The following SMG5 variants were observed in gnomAD, a reference collection of about 807,000 sequenced individuals.
SMG5 encodes nonsense-mediated mRNA decay factor SMG5.
In SMG5, 53 loss-of-function variants were observed where a neutral mutation model predicts 122.9. The ratio of observed to expected loss-of-function variants is 0.43; its 90% CI spans 0.35 to 0.54. SMG5 has a LOEUF of 0.54. Ranked by LOEUF, SMG5 falls within the 20% of genes least tolerant of loss-of-function variation. SMG5 has a pLI of 0.01. For synonymous variants in SMG5, 477 were observed against 490.2 expected (o/e 0.97, Z 0.35); for missense variants, 1,153 against 1,285.6 (o/e 0.90, Z 1.58).
intron 15 of SMG5, among the ~76,000 whole-genome samples, chr1:156,260,101 T>C (rs963517978): frequency 2.0e-5 from 3 of 152,158 alleles, no homozygotes; most frequent in African/African-American, 7.2e-5. Flanking sequence ...GATTGTTTGA[T>C]GTTCAGCTCG....
chr1:156,279,059 C>A (rs1662816095), intron 1 of SMG5, 25 bp from the exon 2 acceptor site: 1 of 1,594,270 alleles, frequency 6.3e-7, no homozygotes, highest in Non-Finnish European at 8.6e-7. Context: ...AGGCAAATAT[C>A]CCCTCAGCCA....
intron 18 of SMG5, 46 bp from the exon 19 acceptor site, chr1:156,252,550 CTG>C (rs1221040153): frequency 6.3e-7 from 1 of 1,586,432 alleles, no homozygotes. Flanking sequence ...GCTCAGACTG[CTG>C]TGACAAGGGG....
At chr1:156,263,720 G>T in intron 12 of SMG5, 150 bp from the exon 13 acceptor site, 1 of 762,312 alleles carries the variant, frequency 1.3e-6, no homozygotes, top group South Asian at 2.4e-5. Context: ...ACCACTTACA[G>T]GCCCTTATTC....
chr1:156,257,761 C>T (rs954082600), intron 16 of SMG5, among the ~76,000 whole-genome samples: 3 of 152,106 alleles, frequency 2.0e-5, no homozygotes, highest in Admixed American at 6.6e-5. Flanking sequence ...CAAGAAATGG[C>T]ACTCAGACAG....
intron 7 of SMG5, 126 bp downstream of exon 7, chr1:156,272,194 C>T: frequency 1.2e-6 from 1 of 834,852 alleles, no homozygotes; most frequent in South Asian, 1.6e-5. Flanking sequence ...AATGGAGAGA[C>T]CCTTCAATCT....
Position 156,260,621 on chromosome 1 carries a change from C to CCG in SMG5, c.2112_2113insCG (p.Ala705ArgfsTer56). On this transcript the variant is annotated frameshift_variant, in exon 15 of 22. Coordinates refer to ENST00000361813, the MANE Select transcript of SMG5 (RefSeq NM_015327.3). LOFTEE classifies it high-confidence loss of function. ...AGATCTTGGACCTCAGGACACAAGG[C>CCG]CAGGCCTGGGCAGAAGAAGGACACA... The CCG allele has an allele frequency of 6.7e-7, 1 of 1,503,610 alleles. No individual in the cohort carries two copies. The highest frequency in any genetic ancestry group is 8.8e-7 in the Non-Finnish European group (1 of 1,130,340). 93.1% of individuals were successfully genotyped at this position (1,503,610 alleles called of 1,614,324 possible). A position where few individuals can be genotyped will look rare whatever the true frequency, so the allele number is the denominator to read the frequency against.
the SMG5 span, among the ~76,000 whole-genome samples, chr1:156,288,501 A>AT: frequency 3.3e-5 from 5 of 151,174 alleles, no homozygotes; most frequent in Admixed American, 2.6e-4. Flanking sequence ...TGCCCAGCTA[A>AT]TTTTTTTTGT....
chr1:156,249,783 CCAGCA>C lies in SMG5; in HGVS notation c.*799_*803del. Reference sequence around the variant, plus strand: ...TCTCTTCCTGGCATCCCATTCTGTCCCAGCACAGCAGCCAAGAGCACAAAGCACAG... The same window carrying C: ...TCTCTTCCTGGCATCCCATTCTGTCCCAGCAGCCAAGAGCACAAAGCACAG... On this transcript the variant is annotated 3_prime_UTR_variant, in exon 22 of 22. Coordinates refer to ENST00000361813, the MANE Select transcript of SMG5 (RefSeq NM_015327.3). 2.1e-6 allele frequency: 1 copy of C among 471,184 alleles called. No individual in the cohort carries two copies. Among genetic ancestry groups the C allele is most frequent in the South Asian group, 1.5e-5 (1 of 64,576 alleles). The allele number at this position is 471,184 out of a possible 1,614,324, so 29.2% of individuals were successfully genotyped here. A position where few individuals can be genotyped will look rare whatever the true frequency, so the allele number is the denominator to read the frequency against.
intron 7 of SMG5, among the ~76,000 whole-genome samples, chr1:156,269,057 G>A (rs919572269): frequency 1.3e-5 from 2 of 151,002 alleles, no homozygotes; most frequent in South Asian, 2.1e-4. Flanking sequence ...TGCAACATCC[G>A]CCTCCCGGGT....
chr1:156,285,839 G>A (rs1239452417), upstream of SMG5: 1 of 1,613,656 alleles, frequency 6.2e-7, no homozygotes. Context: ...GGCCTCCGTG[G>A]GAGCCGCACT....
intron 2 of SMG5, among the ~76,000 whole-genome samples, chr1:156,278,469 C>A (rs1662788806): frequency 6.6e-6 from 1 of 150,760 alleles, no homozygotes; most frequent in Non-Finnish European, 1.5e-5. Context: ...CTCAAATGAT[C>A]CTCCCACCTC....
rs756258128 is a variant in SMG5, at chr1:156,267,680, T to TGGAGTA, written c.909-3_909-2insTACTCC. On this transcript the variant is annotated splice_region_variant and splice_polypyrimidine_tract_variant and intron_variant, in intron 9 of 21. Transcript: ENST00000361813. Reference sequence around the variant, plus strand: ...GAGGTCAGCTCTGAGTCCACGGAGCTACAGAGGGGCAGGAGTAACAGGGGA... The same window carrying TGGAGTA: ...GAGGTCAGCTCTGAGTCCACGGAGCTGGAGTAACAGAGGGGCAGGAGTAACAGGGGA... 4 of 1,605,352 alleles carry TGGAGTA rather than the reference T, an allele frequency of 2.5e-6. No individual in the cohort carries two copies. The highest frequency in any genetic ancestry group is 3.4e-6 in the Non-Finnish European group (4 of 1,176,510).
chr1:156,250,777 A>C, intron 21 of SMG5, 81 bp downstream of exon 21: 1 of 1,604,916 alleles, frequency 6.2e-7, no homozygotes. Flanking sequence ...AAAGGTAGCT[A>C]TGTGGAGGGT....
intron 6 of SMG5, 81 bp downstream of exon 6, chr1:156,273,280 G>A (rs1453079353): frequency 8.8e-7 from 1 of 1,132,550 alleles, no homozygotes; most frequent in Non-Finnish European, 1.3e-6. Flanking sequence ...AAATGAGTAT[G>A]AACTGCCTGC....
chr1:156,253,338 C>T, intron 17 of SMG5, 111 bp downstream of exon 17: 1 of 1,168,712 alleles, frequency 8.6e-7, no homozygotes, highest in South Asian at 1.3e-5. Flanking sequence ...GGCGGAGGGA[C>T]ACAGAGGCAA....
At chr1:156,253,361 A>C in intron 17 of SMG5, 88 bp downstream of exon 17, 1 of 1,321,894 alleles carries the variant, frequency 7.6e-7, no homozygotes, top group Non-Finnish European at 1.1e-6. Flanking sequence ...GAGCAGGGGG[A>C]CTACAGCGGA....
At chr1:156,281,573 C>T (rs1403527110) in intron 1 of SMG5, among the ~76,000 whole-genome samples, 1 of 152,202 alleles carries the variant, frequency 6.6e-6, no homozygotes, top group Non-Finnish European at 1.5e-5. Context: ...AGGCAGGATG[C>T]CTACTCAAAG....
At chr1:156,261,205 C>A (rs890469445) in intron 14 of SMG5, 128 bp downstream of exon 14, 40 of 852,250 alleles carry the variant, frequency 4.7e-5, no homozygotes, top group Admixed American at 7.4e-5. Context: ...CTGCTGTGTG[C>A]TAGGGAGGCT....
intron 14 of SMG5, 84 bp from the exon 15 acceptor site, chr1:156,260,710 T>G (rs763954193): frequency 1.3e-5 from 16 of 1,278,172 alleles, no homozygotes; most frequent in Non-Finnish European, 1.7e-5. Flanking sequence ...TTGGGAATTA[T>G]CAGGCTGATG....
Sources: gnomAD v4.1 joint callset for allele counts (sites outside exome capture counted in the v4.1 genomes callset) on GRCh38, gnomAD v4.1.1 for gene constraint, MANE v1.5 for transcripts, NCBI Gene and HGNC (gene_info 2026-07-23, HGNC 2026-07-21) for gene names.